The following PTPRM variants were observed in gnomAD, a reference collection of about 807,000 sequenced individuals.
PTPRM encodes the protein receptor-type tyrosine-protein phosphatase mu.
PTPRM carries 47 observed loss-of-function variants against 186.7 expected under a neutral mutation model. That is an observed-to-expected ratio of 0.25 (90% CI 0.20 to 0.32). The LOEUF is 0.32. Ranked by LOEUF, PTPRM falls within the 10% of genes least tolerant of loss-of-function variation. The pLI is 1.00. For synonymous variants in PTPRM, 668 were observed against 674.9 expected, an observed-to-expected ratio of 0.99 and a Z score of 0.16; for missense variants, 1,494 against 1,865.0, an observed-to-expected ratio of 0.80 and a Z score of 3.66.
chr18:7,811,014 A>AT (rs1158858352), intron 2 of PTPRM, among the ~76,000 whole-genome samples: 2 of 152,086 alleles, frequency 1.3e-5, no homozygotes, highest in Admixed American at 6.5e-5. Flanking sequence ...TTGCCCAGTA[A>AT]TTTTTTTTCA....
chr18:7,660,741 G>T (rs575988872), intron 1 of PTPRM, among the ~76,000 whole-genome samples: 8 of 152,280 alleles, frequency 5.3e-5, no homozygotes, highest in African/African-American at 1.9e-4. Flanking sequence ...GGCCTTGGCT[G>T]CAGTCAGACG....
intron 2 of PTPRM, among the ~76,000 whole-genome samples, chr18:7,803,581 C>T (rs8094976): frequency 0.024 from 3,703 of 152,210 alleles, 49 homozygotes; most frequent in African/African-American, 0.043. Context: ...CTGCATACTA[C>T]AGCAGACAAA....
intron 4 of PTPRM, among the ~76,000 whole-genome samples, chr18:7,913,691 T>A (rs1287063862): frequency 2.6e-5 from 4 of 152,188 alleles, no homozygotes; most frequent in African/African-American, 9.6e-5. Flanking sequence ...TAATCTTTTT[T>A]AATATGTTGG....
chr18:7,880,791 G>T (rs973096996), intron 2 of PTPRM, among the ~76,000 whole-genome samples: 1 of 152,132 alleles, frequency 6.6e-6, no homozygotes, highest in Non-Finnish European at 1.5e-5. Context: ...TGGAGGAGGG[G>T]TGTAACCTGG....
At chr18:7,855,471 AAAG>A (rs1270728589) in intron 2 of PTPRM, among the ~76,000 whole-genome samples, 13 of 152,318 alleles carry the variant, frequency 8.5e-5, no homozygotes, top group African/African-American at 3.1e-4. Flanking sequence ...CCACCTACAC[AAAG>A]AAGGAAGAAG....
intron 1 of PTPRM, among the ~76,000 whole-genome samples, chr18:7,698,600 T>A (rs8085131): frequency 0.063 from 9,536 of 152,244 alleles, 778 homozygotes; most frequent in African/African-American, 0.18. Flanking sequence ...TAGTGCCATC[T>A]TTATTTTCTG....
intron 23 of PTPRM, chr18:8,365,867 GA>G (rs1402688270): frequency 6.6e-6 from 1 of 152,228 alleles, no homozygotes; most frequent in Non-Finnish European, 1.5e-5. Flanking sequence ...TTAATAGTCG[GA>G]ATTTTCATTT....
intron 22 of PTPRM, among the ~76,000 whole-genome samples, chr18:8,341,037 T>C (rs945911104): frequency 7.1e-6 from 1 of 140,470 alleles, no homozygotes; most frequent in East Asian, 2.1e-4. Context: ...AGGAGTGATC[T>C]GTATAGTGCT....
intron 13 of PTPRM, among the ~76,000 whole-genome samples, chr18:8,138,334 A>G (rs1156620297): frequency 2.6e-5 from 4 of 151,588 alleles, no homozygotes; most frequent in African/African-American, 9.7e-5. Flanking sequence ...GCTCGTGGCC[A>G]TCAGGATTGC....
intron 14 of PTPRM, among the ~76,000 whole-genome samples, chr18:8,223,578 G>A (rs1303025429): frequency 6.6e-6 from 1 of 152,176 alleles, no homozygotes; most frequent in Non-Finnish European, 1.5e-5. Flanking sequence ...CCCATCCGCA[G>A]TGCAGCATGC....
chr18:7,609,731 C>T (rs970660116), intron 1 of PTPRM, among the ~76,000 whole-genome samples: 4 of 152,070 alleles, frequency 2.6e-5, no homozygotes, highest in Non-Finnish European at 5.9e-5. Context: ...ACCCTGTGAG[C>T]TCTTGAGTGT....
chr18:7,988,241 CAAAAA>C (rs560835399), intron 7 of PTPRM, among the ~76,000 whole-genome samples: 191 of 151,768 alleles, frequency 1.3e-3, no homozygotes, highest in African/African-American at 4.3e-3. Context: ...ACCAAACAAA[CAAAAA>C]AGAAAATGCA....
chr18:8,125,886 T>C (rs972192198), intron 13 of PTPRM, among the ~76,000 whole-genome samples: 27 of 150,118 alleles, frequency 1.8e-4, no homozygotes, highest in Non-Finnish European at 1.2e-4. Context: ...CACATATATC[T>C]AGGCTTTTTA....
intron 19 of PTPRM, among the ~76,000 whole-genome samples, chr18:8,283,976 G>A (rs1474247922): frequency 1.3e-5 from 2 of 152,058 alleles, no homozygotes; most frequent in East Asian, 3.9e-4. Context: ...TTTACTAAAA[G>A]AATTTTTTTG....
At chr18:8,311,472 G>A (rs1025120543) in intron 20 of PTPRM, among the ~76,000 whole-genome samples, 4 of 152,188 alleles carry the variant, frequency 2.6e-5, no homozygotes. Flanking sequence ...ACTGCAGCCT[G>A]TGCCTCTGTG....
At chr18:8,100,130 T>TTGTGTG (rs141633477) in intron 11 of PTPRM, among the ~76,000 whole-genome samples, 1 of 149,268 alleles carries the variant, frequency 6.7e-6, no homozygotes, top group Non-Finnish European at 1.5e-5. Flanking sequence ...TGCCACACAC[T>TTGTGTG]TGTGTGTGTG....
intron 4 of PTPRM, among the ~76,000 whole-genome samples, chr18:7,925,974 A>G (rs1277705158): frequency 6.6e-6 from 1 of 152,258 alleles, no homozygotes; most frequent in African/African-American, 2.4e-5. Flanking sequence ...AATTAGAAAT[A>G]AGAATCAGCA....
At chr18:8,126,612 A>G (rs1372933933) in intron 13 of PTPRM, among the ~76,000 whole-genome samples, 5 of 152,166 alleles carry the variant, frequency 3.3e-5, no homozygotes, top group African/African-American at 1.2e-4. Context: ...TCACATCCTA[A>G]GTCCTCTTTA....
chr18:7,730,503 A>C (rs886751263), intron 1 of PTPRM, among the ~76,000 whole-genome samples: 5 of 152,204 alleles, frequency 3.3e-5, no homozygotes, highest in Non-Finnish European at 7.4e-5. Flanking sequence ...CTTAGCACTC[A>C]ACAAACACCT....
Sources: allele counts gnomAD v4.1 joint callset (sites outside exome capture counted in the v4.1 genomes callset), GRCh38; gene constraint gnomAD v4.1.1; transcripts MANE v1.5; gene names NCBI Gene and HGNC (gene_info 2026-07-23, HGNC 2026-07-21).